CSMD1: variants seen among roughly 807,000 people sequenced by gnomAD.
CSMD1 encodes CUB and sushi domain-containing protein 1.
CSMD1 carries 213 observed loss-of-function variants against 417.5 expected under a neutral mutation model. The observed-to-expected ratio is 0.51, with a 90% CI of 0.46 to 0.57. CSMD1 has a LOEUF of 0.57. CSMD1 is among the 20% of genes least tolerant of loss of function. The pLI is 0.00. For synonymous variants in CSMD1, 2,862 were observed against 1,736.8 expected (o/e 1.65, Z -16.11); for missense variants, 6,923 against 4,529.7 (o/e 1.53, Z -15.17).
At chr8:4,082,088 A>G (rs1188535699) in intron 3 of CSMD1, among the ~76,000 whole-genome samples, 1 of 152,148 alleles carries the variant, frequency 6.6e-6, no homozygotes, top group Non-Finnish European at 1.5e-5. Context: ...GATTACTGAG[A>G]CTTATCAAGA....
At chr8:4,380,022 G>T (rs550502816) in intron 3 of CSMD1, among the ~76,000 whole-genome samples, 4 of 152,286 alleles carry the variant, frequency 2.6e-5, no homozygotes, top group South Asian at 4.1e-4. Flanking sequence ...AACTCAATGT[G>T]GGTAGCCCAA....
intron 2 of CSMD1, among the ~76,000 whole-genome samples, chr8:4,593,680 T>A (rs776144348): frequency 6.6e-6 from 1 of 152,200 alleles, no homozygotes; most frequent in Non-Finnish European, 1.5e-5. Context: ...TATTAGTTAC[T>A]ACTTCCATGT....
intron 3 of CSMD1, among the ~76,000 whole-genome samples, chr8:4,258,666 G>C (rs1400259785): frequency 6.6e-6 from 1 of 151,910 alleles, no homozygotes; most frequent in Non-Finnish European, 1.5e-5. Context: ...TCATCTAAAA[G>C]TAATCACCTT....
intron 1 of CSMD1, among the ~76,000 whole-genome samples, chr8:4,902,264 G>A (rs996605291): frequency 2.1e-5 from 3 of 145,168 alleles, no homozygotes; most frequent in Admixed American, 6.9e-5. Context: ...AAAACATCTC[G>A]CTCTATCTAT....
intron 26 of CSMD1, 39 bp downstream of exon 26, chr8:3,284,105 T>G: frequency 6.9e-7 from 1 of 1,451,178 alleles, no homozygotes; most frequent in Non-Finnish European, 9.5e-7. Flanking sequence ...GACAAGACTT[T>G]GATATCAAGG....
At chr8:4,256,816 G>A (rs1024197921) in intron 3 of CSMD1, among the ~76,000 whole-genome samples, 2 of 152,280 alleles carry the variant, frequency 1.3e-5, no homozygotes, top group South Asian at 2.1e-4. Flanking sequence ...GCATAAAGTC[G>A]AGTTATGAGC....
At chr8:4,058,518 C>G (rs1380100917) in intron 3 of CSMD1, among the ~76,000 whole-genome samples, 1 of 152,034 alleles carries the variant, frequency 6.6e-6, no homozygotes, top group Admixed American at 6.6e-5. Context: ...TAACTGAATA[C>G]CCTTTATTTC....
At chr8:3,847,741 T>C (rs955992976) in intron 5 of CSMD1, among the ~76,000 whole-genome samples, 1 of 152,158 alleles carries the variant, frequency 6.6e-6, no homozygotes, top group African/African-American at 2.4e-5. Flanking sequence ...TCCCTGACAC[T>C]GCAGTTCCAG....
At chr8:3,027,753 T>C (rs772075790) in intron 51 of CSMD1, among the ~76,000 whole-genome samples, 2 of 152,170 alleles carry the variant, frequency 1.3e-5, no homozygotes, top group Non-Finnish European at 2.9e-5. Flanking sequence ...CAGAATACAG[T>C]TGATAAAACC....
At chr8:3,000,396 A>C (rs1807299012) in intron 52 of CSMD1, among the ~76,000 whole-genome samples, 2 of 151,702 alleles carry the variant, frequency 1.3e-5, no homozygotes, top group Admixed American at 1.3e-4. Flanking sequence ...TATCCATTTC[A>C]CTTATTTTGC....
chr8:3,028,540 G>A (rs140946756), intron 51 of CSMD1, among the ~76,000 whole-genome samples: 114 of 152,300 alleles, frequency 7.5e-4, no homozygotes, highest in African/African-American at 2.6e-3. Flanking sequence ...CCTGAGGCCA[G>A]CAATCCTTCC....
At chr8:4,598,578 T>C (rs1023335409) in intron 2 of CSMD1, among the ~76,000 whole-genome samples, 2 of 152,168 alleles carry the variant, frequency 1.3e-5, no homozygotes, top group African/African-American at 4.8e-5. Flanking sequence ...GGTTCAAGAT[T>C]ATAAAAAATC....
At chr8:4,541,012 T>C (rs986543108) in intron 2 of CSMD1, among the ~76,000 whole-genome samples, 1 of 152,246 alleles carries the variant, frequency 6.6e-6, no homozygotes, top group Non-Finnish European at 1.5e-5. Flanking sequence ...ACTCTTTAAA[T>C]GCCTCATTTT....
chr8:3,893,358 TA>T (rs1563185024), intron 5 of CSMD1, among the ~76,000 whole-genome samples: 2 of 137,804 alleles, frequency 1.5e-5, no homozygotes, highest in Non-Finnish European at 3.2e-5. Flanking sequence ...TATATATATA[TA>T]TATTATTTTT....
intron 7 of CSMD1, among the ~76,000 whole-genome samples, chr8:3,626,803 A>G (rs2117227031): frequency 6.7e-6 from 1 of 150,044 alleles, no homozygotes; most frequent in Admixed American, 6.7e-5. Context: ...CTTTAATACT[A>G]TGTATACTAA....
At chr8:3,539,167 G>T (rs145029146) in intron 10 of CSMD1, among the ~76,000 whole-genome samples, 2 of 152,070 alleles carry the variant, frequency 1.3e-5, no homozygotes, top group African/African-American at 4.8e-5. Flanking sequence ...TGTTCTGGCC[G>T]CAGGGCTCTT....
At chr8:4,316,607 C>T (rs1438367954) in intron 3 of CSMD1, among the ~76,000 whole-genome samples, 1 of 151,984 alleles carries the variant, frequency 6.6e-6, no homozygotes, top group Non-Finnish European at 1.5e-5. Context: ...GTGTAGACAT[C>T]AGAGACACCC....
intron 10 of CSMD1, among the ~76,000 whole-genome samples, chr8:3,538,014 A>G (rs1384829104): frequency 6.6e-6 from 1 of 152,216 alleles, no homozygotes; most frequent in Admixed American, 6.5e-5. Flanking sequence ...GGGCTTTCCT[A>G]CAAGACTGTG....
chr8:4,324,831 A>G (rs1585234483), intron 3 of CSMD1, among the ~76,000 whole-genome samples: 1 of 152,318 alleles, frequency 6.6e-6, no homozygotes, highest in East Asian at 1.9e-4. Context: ...AACATAAGCA[A>G]GACAAAGAAG....
Sources: gnomAD v4.1 joint callset for allele counts (sites outside exome capture counted in the v4.1 genomes callset) on GRCh38, gnomAD v4.1.1 for gene constraint, MANE v1.5 for transcripts, NCBI Gene and HGNC (gene_info 2026-07-23, HGNC 2026-07-21) for gene names.